Variants in CPXM2 observed in about 807,000 individuals in gnomAD.
CPXM2 encodes the protein carboxypeptidase X, M14 family member 2, also known as inactive carboxypeptidase-like protein X2.
In CPXM2, 66 loss-of-function variants were observed where a neutral mutation model predicts 86.1. That is an observed-to-expected ratio of 0.77 (90% CI 0.63 to 0.94). CPXM2 has a LOEUF of 0.94. Among genes scored for constraint, CPXM2 ranks in the 40% least tolerant of loss-of-function variants. The pLI, the probability that CPXM2 is intolerant of heterozygous loss-of-function variation, is 0.00. For synonymous variants in CPXM2, 388 were observed against 400.2 expected (o/e 0.97, Z 0.36); for missense variants, 948 against 1,026.3 (o/e 0.92, Z 1.04).
rs368403171 is a variant in CPXM2, at chr10:123,865,976, C to A, written c.404-3253G>T. Reference sequence around the variant, plus strand: ...TTCTGTACTGGGCCCCACAATTTCTCCCTCTCAGCCACTCCTCCACCCCCA... The same window carrying A: ...TTCTGTACTGGGCCCCACAATTTCTACCTCTCAGCCACTCCTCCACCCCCA... On this transcript the variant is annotated intron_variant, in intron 2 of 13. Coordinates refer to ENST00000241305, the MANE Select transcript of CPXM2 (RefSeq NM_198148.3). The surrounding 1 kb of genome is among the most constrained non-coding windows in gnomAD (Gnocchi z 4.7). 9.3e-4 allele frequency among the ~76,000 whole-genome samples: 141 copies of A among 152,226 alleles called. 4 individuals are homozygous for A. In the South Asian group the frequency reaches 0.028, roughly 31 times the overall value.
intron 4 of CPXM2, among the ~76,000 whole-genome samples, chr10:123,826,214 A>G (rs1202410791): frequency 6.6e-6 from 1 of 152,158 alleles, no homozygotes; most frequent in Non-Finnish European, 1.5e-5. Flanking sequence ...TTCACTGCTA[A>G]GCTTACTCCC....
upstream of CPXM2, among the ~76,000 whole-genome samples, chr10:123,942,837 G>T (rs1436561685): frequency 6.6e-6 from 1 of 152,128 alleles, no homozygotes; most frequent in Non-Finnish European, 1.5e-5. Context: ...CCTCTCTTGG[G>T]GTCTGGATGG....
intron 6 of CPXM2, among the ~76,000 whole-genome samples, chr10:123,789,186 C>G (rs1198016638): frequency 6.6e-6 from 1 of 152,204 alleles, no homozygotes; most frequent in Non-Finnish European, 1.5e-5. Flanking sequence ...AGAGCAAGGC[C>G]ACGAGAGACC....
At chr10:123,783,435 C>T (rs1846979522) in intron 6 of CPXM2, among the ~76,000 whole-genome samples, 2 of 152,214 alleles carry the variant, frequency 1.3e-5, no homozygotes, top group South Asian at 4.1e-4. Context: ...GAACACACTT[C>T]CTTCCTTCAG....
chr10:123,893,299 C>G (rs930796319), upstream of CPXM2, among the ~76,000 whole-genome samples: 1 of 152,196 alleles, frequency 6.6e-6, no homozygotes, highest in African/African-American at 2.4e-5. Flanking sequence ...GGCACCAGGG[C>G]AAGGCCTCAC....
intron 2 of CPXM2, among the ~76,000 whole-genome samples, chr10:123,874,517 C>T (rs1471750626): frequency 1.3e-5 from 2 of 152,290 alleles, no homozygotes; most frequent in East Asian, 1.9e-4. Context: ...TTTAATAAGC[C>T]AGGAAAGAAG....
intron 7 of CPXM2, among the ~76,000 whole-genome samples, chr10:123,778,412 C>T (rs1846852825): frequency 6.6e-6 from 1 of 152,180 alleles, no homozygotes; most frequent in Non-Finnish European, 1.5e-5. Flanking sequence ...TGGGCGCTCT[C>T]CTGGACAGTC....
intron 2 of CPXM2, among the ~76,000 whole-genome samples, chr10:123,867,513 C>T (rs1295216840): frequency 1.3e-5 from 2 of 149,970 alleles, no homozygotes; most frequent in Non-Finnish European, 3.0e-5. Flanking sequence ...GAGCGTCATC[C>T]TAGAGATTTC....
chr10:123,843,138 G>A, intron 3 of CPXM2: 1 of 302,048 alleles, frequency 3.3e-6, no homozygotes, highest in Non-Finnish European at 6.4e-6. Context: ...TTTTTTCAGA[G>A]ATGGAGTCTT....
At chr10:123,881,767 G>T (rs1945097644) in intron 1 of CPXM2, among the ~76,000 whole-genome samples, 1 of 152,194 alleles carries the variant, frequency 6.6e-6, no homozygotes, top group African/African-American at 2.4e-5. Flanking sequence ...TGGGGCACTG[G>T]CAGCCACACC....
chr10:123,868,409 A>G (rs77564545), intron 2 of CPXM2, among the ~76,000 whole-genome samples: 4,251 of 152,262 alleles, frequency 0.028, 120 homozygotes, highest in South Asian at 0.11. Flanking sequence ...GGAAACCTCC[A>G]TGTCTTCAAA....
At chr10:123,752,166 A>G in intron 13 of CPXM2, 1 of 985,466 alleles carries the variant, frequency 1.0e-6, no homozygotes. Flanking sequence ...TTTCATGCAT[A>G]ATGATCGCCA....
At chr10:123,875,589 A>G (rs771203106) in intron 2 of CPXM2, among the ~76,000 whole-genome samples, 4 of 152,140 alleles carry the variant, frequency 2.6e-5, no homozygotes, top group Non-Finnish European at 5.9e-5. Context: ...TGAAAAACCA[A>G]ACTGTCTGTG....
intron 13 of CPXM2, among the ~76,000 whole-genome samples, chr10:123,753,894 TGA>T (rs1846136858): frequency 6.6e-6 from 1 of 152,186 alleles, no homozygotes; most frequent in African/African-American, 2.4e-5. Flanking sequence ...GTTAACACCA[TGA>T]GACACTCATC....
Position 123,891,193 on chromosome 10 carries a change from G to T in CPXM2, c.304+163C>A, listed in dbSNP as rs28741041. ...CAAGTTCTGGGAAGCTGGGCGGGCC[G>T]GCAGGAAGCGCAGATACAGTCCCTA... On this transcript the variant is annotated intron_variant, in intron 1 of 13. Coordinates refer to ENST00000241305, the MANE Select transcript of CPXM2 (RefSeq NM_198148.3). This position sits in a 1 kb window ranked among gnomAD's most constrained non-coding sequence, Gnocchi z 5.6. Among the ~76,000 whole-genome samples, 1 of 152,060 alleles carries T rather than the reference G, an allele frequency of 6.6e-6. No homozygotes were observed. Among genetic ancestry groups the T allele is most frequent in the African/African-American group, 2.4e-5 (1 of 41,414 alleles).
At chr10:123,759,866 A>C (rs1368699985) in intron 11 of CPXM2, among the ~76,000 whole-genome samples, 1 of 152,220 alleles carries the variant, frequency 6.6e-6, no homozygotes, top group Non-Finnish European at 1.5e-5. Context: ...TGTGCATTTC[A>C]AAATGCATTG....
At chr10:123,807,191 A>G (rs563153315) in intron 4 of CPXM2, among the ~76,000 whole-genome samples, 1 of 152,318 alleles carries the variant, frequency 6.6e-6, no homozygotes, top group South Asian at 2.1e-4. Context: ...GATTACTATT[A>G]AAGTTGAACT....
intron 2 of CPXM2, among the ~76,000 whole-genome samples, chr10:123,918,498 C>T (rs1344038456): frequency 1.3e-5 from 2 of 152,102 alleles, no homozygotes; most frequent in African/African-American, 4.8e-5. Context: ...TGGAGTGCTC[C>T]CACCTCATAT....
chr10:123,846,873 T>C (rs568187247), intron 3 of CPXM2, among the ~76,000 whole-genome samples: 2 of 152,304 alleles, frequency 1.3e-5, no homozygotes, highest in East Asian at 3.9e-4. Flanking sequence ...TTTTTTTTGT[T>C]TGTTTGTTTT....
Sources: allele counts gnomAD v4.1 joint callset (sites outside exome capture counted in the v4.1 genomes callset), GRCh38; gene constraint gnomAD v4.1.1; non-coding constraint Gnocchi (gnomAD v3.1); transcripts MANE v1.5; gene names NCBI Gene and HGNC (gene_info 2026-07-23, HGNC 2026-07-21).